The following PDE4B variants were observed in gnomAD, a reference collection of about 807,000 sequenced individuals.
PDE4B encodes the protein 3',5'-cyclic-AMP phosphodiesterase 4B.
PDE4B carries 20 observed loss-of-function variants against 82.2 expected under a neutral mutation model. The ratio of observed to expected loss-of-function variants is 0.24; its 90% CI spans 0.17 to 0.35. PDE4B has a LOEUF of 0.35. PDE4B is among the 10% of genes least tolerant of loss of function. PDE4B has a pLI of 1.00. For missense variants in PDE4B, 655 were observed against 907.2 expected (o/e 0.72, Z 3.57); for synonymous variants, 320 against 318.9 (o/e 1.00, Z -0.04).
intron 3 of PDE4B, among the ~76,000 whole-genome samples, chr1:66,090,540 C>T (rs191017038): frequency 1.0e-4 from 15 of 149,486 alleles, no homozygotes; most frequent in African/African-American, 5.0e-5. Context: ...TTATCATAGT[C>T]AAATTACTCA....
At chr1:66,034,498 T>A (rs1195097208) in intron 3 of PDE4B, among the ~76,000 whole-genome samples, 1 of 152,186 alleles carries the variant, frequency 6.6e-6, no homozygotes, top group Non-Finnish European at 1.5e-5. Flanking sequence ...GATCCTCTAG[T>A]TTTAGGCTAC....
chr1:66,205,027 G>T (rs972005092), intron 3 of PDE4B, among the ~76,000 whole-genome samples: 4 of 152,168 alleles, frequency 2.6e-5, no homozygotes, highest in Non-Finnish European at 4.4e-5. Flanking sequence ...TGGTAGTTCA[G>T]CCTTTTCCAA....
chr1:66,300,248 C>T (rs1197023213), intron 7 of PDE4B, among the ~76,000 whole-genome samples: 1 of 152,084 alleles, frequency 6.6e-6, no homozygotes, highest in Non-Finnish European at 1.5e-5. Context: ...TCCTGAGATA[C>T]TGATCATGGA....
intron 7 of PDE4B, among the ~76,000 whole-genome samples, chr1:66,308,337 G>A (rs76791470): frequency 0.03 from 4,636 of 152,058 alleles, 226 homozygotes; most frequent in African/African-American, 0.11. Flanking sequence ...ATTTTTTTCC[G>A]GAAACTTATT....
intron 3 of PDE4B, among the ~76,000 whole-genome samples, chr1:65,963,909 T>G (rs566715884): frequency 5.9e-5 from 9 of 152,316 alleles, no homozygotes; most frequent in African/African-American, 2.2e-4. Flanking sequence ...TACATTTTCC[T>G]CTCTTTTATC....
intron 3 of PDE4B, among the ~76,000 whole-genome samples, chr1:65,995,717 C>T (rs578262011): frequency 4.6e-5 from 7 of 152,274 alleles, no homozygotes; most frequent in South Asian, 4.1e-4. Flanking sequence ...TCACGATCAA[C>T]AATTGGTATT....
At chr1:66,159,185 C>T (rs1646559520) in intron 3 of PDE4B, among the ~76,000 whole-genome samples, 1 of 151,838 alleles carries the variant, frequency 6.6e-6, no homozygotes, top group Non-Finnish European at 1.5e-5. Flanking sequence ...TGTATTGGAA[C>T]ATCACACTTA....
chr1:66,287,727 G>A (rs1273800852), intron 7 of PDE4B, among the ~76,000 whole-genome samples: 1 of 152,138 alleles, frequency 6.6e-6, no homozygotes, highest in East Asian at 1.9e-4. Flanking sequence ...ATGGATTTTT[G>A]GAGGCTGAGG....
At chr1:66,095,370 G>A (rs1453324765) in intron 3 of PDE4B, among the ~76,000 whole-genome samples, 1 of 151,868 alleles carries the variant, frequency 6.6e-6, no homozygotes, top group Admixed American at 6.6e-5. Flanking sequence ...ATAGCATTGA[G>A]TATGTATGAG....
chr1:66,128,195 A>G (rs1039976723), intron 3 of PDE4B, among the ~76,000 whole-genome samples: 1 of 152,198 alleles, frequency 6.6e-6, no homozygotes, highest in African/African-American at 2.4e-5. Flanking sequence ...AAACAAATGC[A>G]TTCCATTTTT....
intron 1 of PDE4B, among the ~76,000 whole-genome samples, chr1:65,859,845 C>T (rs1032774438): frequency 6.6e-5 from 10 of 152,150 alleles, no homozygotes; most frequent in African/African-American, 2.4e-4. Flanking sequence ...CTCCACTCTT[C>T]TTATTTCCCT....
chr1:65,816,194 T>TGTGTGTGC (rs1455346838), intron 1 of PDE4B, among the ~76,000 whole-genome samples: 1 of 64,926 alleles, frequency 1.5e-5, no homozygotes, highest in Non-Finnish European at 4.2e-5. Context: ...TAATGCAGTG[T>TGTGTGTGC]GTGTGTGTGT....
At chr1:65,988,667 T>TA (rs1350299973) in intron 3 of PDE4B, among the ~76,000 whole-genome samples, 5 of 152,048 alleles carry the variant, frequency 3.3e-5, no homozygotes, top group African/African-American at 4.8e-5. Context: ...ATTGTCTTTT[T>TA]AAAAAAAGCT....
rs550692697 is a variant in PDE4B at position 65,935,249 on chromosome 1, C to T, written c.281+16414C>T. ...AAATATGTGGAAATTAACACACTCC[C>T]GATATCCTAGTATTCTTCGCTTAAT... On this transcript the variant is annotated intron_variant, in intron 3 of 16. Coordinates refer to ENST00000341517, the MANE Select transcript of PDE4B (RefSeq NM_002600.4). Among the ~76,000 whole-genome samples the T allele has an allele frequency of 1.7e-3, 255 of 151,902 alleles. 1 individual carries two copies. Among genetic ancestry groups the T allele is most frequent in the African/African-American group, 5.7e-3 (237 of 41,424 alleles).
intron 3 of PDE4B, among the ~76,000 whole-genome samples, chr1:65,920,274 T>C (rs999527865): frequency 4.6e-5 from 7 of 152,226 alleles, no homozygotes; most frequent in Non-Finnish European, 8.8e-5. Flanking sequence ...TGATTGCCCC[T>C]ACTACTCTCG....
chr1:66,021,818 C>T (rs1355981928), intron 3 of PDE4B, among the ~76,000 whole-genome samples: 10 of 152,192 alleles, frequency 6.6e-5, no homozygotes, highest in Admixed American at 6.5e-4. Context: ...TCCATATGAA[C>T]TTTAAAGTAG....
intron 3 of PDE4B, among the ~76,000 whole-genome samples, chr1:66,135,556 T>C (rs1396264997): frequency 6.6e-6 from 1 of 152,190 alleles, no homozygotes; most frequent in Non-Finnish European, 1.5e-5. Context: ...TTGATGCCAA[T>C]GACTGGGAAC....
rs539468730 is a variant in PDE4B at position 66,175,127 on chromosome 1, G to T, written c.282-72333G>T. 1.2e-4 allele frequency among the ~76,000 whole-genome samples: 18 copies of T among 152,266 alleles called. No homozygotes were observed. The East Asian group carries it at 3.5e-3, about 29-fold the overall frequency. Reference sequence around the variant, plus strand: ...AATTCTAGATGAGATTTGTGTGGGGGCACAGAGCCAAACCATATCACCTAC... The same window carrying T: ...AATTCTAGATGAGATTTGTGTGGGGTCACAGAGCCAAACCATATCACCTAC... On this transcript the variant is annotated intron_variant, in intron 3 of 16. Coordinates refer to ENST00000341517, the MANE Select transcript of PDE4B (RefSeq NM_002600.4).
At chr1:66,206,338 T>G (rs1006993581) in intron 3 of PDE4B, among the ~76,000 whole-genome samples, 1 of 152,062 alleles carries the variant, frequency 6.6e-6, no homozygotes. Flanking sequence ...CAGGAGAGTG[T>G]CTAGGCTGGA....
Sources: gnomAD v4.1 joint callset for allele counts (sites outside exome capture counted in the v4.1 genomes callset) on GRCh38, gnomAD v4.1.1 for gene constraint, MANE v1.5 for transcripts, NCBI Gene and HGNC (gene_info 2026-07-23, HGNC 2026-07-21) for gene names.